The following LTBP1 variants were observed in gnomAD, a reference collection of about 807,000 sequenced individuals.
LTBP1 encodes the protein latent-transforming growth factor beta-binding protein 1.
LTBP1 carries 129 observed loss-of-function variants against 207.6 expected under a neutral mutation model. The observed-to-expected ratio is 0.62, with a 90% CI of 0.54 to 0.72. The LOEUF (loss-of-function observed/expected upper bound fraction) is 0.72, where lower values mean the gene tolerates loss of function less well. Ranked by LOEUF, LTBP1 falls within the 30% of genes least tolerant of loss-of-function variation. The pLI, the probability that LTBP1 is intolerant of heterozygous loss-of-function variation, is 0.00. For missense variants in LTBP1, 2,281 were observed against 2,217.2 expected (o/e 1.03, Z -0.58); for synonymous variants, 963 against 833.7 (o/e 1.16, Z -2.67).
chr2:32,985,718 G>A (rs1184274358), intron 2 of LTBP1, among the ~76,000 whole-genome samples: 9 of 152,130 alleles, frequency 5.9e-5, no homozygotes, highest in African/African-American at 2.2e-4. Context: ...CCATGTAGTA[G>A]GTACATGTCA....
chr2:32,994,769 A>T (rs959416986), intron 2 of LTBP1, among the ~76,000 whole-genome samples: 1 of 152,202 alleles, frequency 6.6e-6, no homozygotes, highest in Non-Finnish European at 1.5e-5. Flanking sequence ...GCCTGGCCAC[A>T]TTAGTGATTC....
intron 11 of LTBP1, among the ~76,000 whole-genome samples, chr2:33,256,077 T>A (rs1335024444): frequency 7.2e-6 from 1 of 138,714 alleles, no homozygotes; most frequent in East Asian, 2.1e-4. Flanking sequence ...CTGAGTCTAC[T>A]TTTTTTTTTT....
Position 33,301,454 on chromosome 2 carries a change from A to G in LTBP1, c.3359-68A>G, listed in dbSNP as rs951925316. ...TCTTTCTAGAATTTACACTGATCCA[A>G]TTGAGACTGATTGAAAATGTTTTTG... On this transcript the variant is annotated intron_variant, in intron 21 of 33. Transcript: ENST00000404816. 3.1e-5 allele frequency: 47 copies of G among 1,492,960 alleles called. No homozygotes were observed. In the Middle Eastern group the frequency reaches 5.4e-4, roughly 17 times the overall value. The allele number at this position is 1,492,960 out of a possible 1,614,324, so 92.5% of individuals were successfully genotyped here.
In LTBP1 at chr2:33,021,160, C is replaced by A. The variant is rs142311728; in HGVS notation, c.817C>A (p.Leu273Ile). The change falls in exon 3 of 34, where the codon CTC (leucine) becomes ATC (isoleucine). Residue 273 changes from leucine to isoleucine, a missense_variant. Physicochemically the swap from Leu to Ile is conservative, Grantham distance 5. Coordinates refer to ENST00000404816, the MANE Select transcript of LTBP1 (RefSeq NM_206943.4). ...VSPVAQMTLT[L>I]KPKPSVGLPQ... ...CCCTGTGGCCCAGATGACCTTAACCCTCAAGCCGAAGCCTTCAGTGGGACT... is the reference window on the plus strand; with the variant it reads ...CCCTGTGGCCCAGATGACCTTAACCATCAAGCCGAAGCCTTCAGTGGGACT... 1 of 1,611,486 alleles carries A rather than the reference C, an allele frequency of 6.2e-7. No homozygotes were observed. The highest frequency in any genetic ancestry group is 2.2e-5 in the East Asian group (1 of 44,834).
rs555701495 is a variant in LTBP1 at position 33,210,231 on chromosome 2, C to A, written c.1702-7321C>A. Among the ~76,000 whole-genome samples the A allele has an allele frequency of 2.6e-5, 4 of 152,176 alleles. No individual in the cohort carries two copies. The South Asian group carries it at 6.2e-4, about 24-fold the overall frequency. On this transcript the variant is annotated intron_variant, in intron 7 of 33. Transcript: ENST00000404816. The stretch of plus-strand genomic sequence containing the variant: ...GCATTTGTTGAGATAAGATATTATT[C>A]GTGCTGAACTTAACTCCTTTCTGCT...
intron 3 of LTBP1, among the ~76,000 whole-genome samples, chr2:33,030,626 C>G (rs1393999052): frequency 2.6e-5 from 4 of 152,148 alleles, no homozygotes; most frequent in Admixed American, 1.3e-4. Flanking sequence ...TTCACAGTCT[C>G]CTTGATTAAT....
At chr2:32,973,021 G>T (rs1046620234) in intron 2 of LTBP1, among the ~76,000 whole-genome samples, 4 of 152,036 alleles carry the variant, frequency 2.6e-5, no homozygotes, top group African/African-American at 7.2e-5. Context: ...TATTATTTTG[G>T]TTTTTTTGAA....
At chr2:33,381,424 T>C (rs2095213329) in intron 31 of LTBP1, among the ~76,000 whole-genome samples, 1 of 151,884 alleles carries the variant, frequency 6.6e-6, no homozygotes, top group Non-Finnish European at 1.5e-5. Flanking sequence ...AGGTTGGGAG[T>C]GGGGAGAACG....
chr2:33,295,797 ATAAT>A (rs2093863292), intron 20 of LTBP1, among the ~76,000 whole-genome samples: 1 of 152,184 alleles, frequency 6.6e-6, no homozygotes, highest in African/African-American at 2.4e-5. Context: ...ATGTAGGGTG[ATAAT>A]TAATTTCTCA....
chr2:33,044,958 G>A (rs558739503), intron 3 of LTBP1, among the ~76,000 whole-genome samples: 8 of 151,904 alleles, frequency 5.3e-5, no homozygotes, highest in African/African-American at 1.9e-4. Flanking sequence ...TGATGGGGTT[G>A]TTTGGTTTTT....
chr2:33,360,482 C>T (rs1352456401), intron 26 of LTBP1, 115 bp from the exon 27 acceptor site: 1 of 628,576 alleles, frequency 1.6e-6, no homozygotes, highest in Non-Finnish European at 2.7e-6. Context: ...AAAGCATTTT[C>T]TATAAAGCAA....
chr2:32,984,335 T>C (rs1683215421), intron 2 of LTBP1, among the ~76,000 whole-genome samples: 1 of 152,220 alleles, frequency 6.6e-6, no homozygotes, highest in Admixed American at 6.5e-5. Flanking sequence ...CATCTTTCCT[T>C]CTGATAGTTT....
intron 2 of LTBP1, among the ~76,000 whole-genome samples, chr2:33,004,226 TACTTA>T: frequency 6.6e-6 from 1 of 152,160 alleles, no homozygotes; most frequent in East Asian, 1.9e-4. Flanking sequence ...TTGTTGGAGC[TACTTA>T]ACTTGTGCAG....
chr2:32,978,557 T>C (rs1330454272), intron 2 of LTBP1, among the ~76,000 whole-genome samples: 2 of 152,218 alleles, frequency 1.3e-5, no homozygotes, highest in African/African-American at 4.8e-5. Context: ...TCCCACTTGG[T>C]CATGATGAAT....
chr2:33,192,494 C>T (rs1002728281), intron 7 of LTBP1, among the ~76,000 whole-genome samples: 1 of 151,044 alleles, frequency 6.6e-6, no homozygotes, highest in African/African-American at 2.4e-5. Context: ...CAGACATTGA[C>T]AACGTAGGGC....
chr2:33,252,744 T>A lies in LTBP1; in HGVS notation c.2067T>A (p.Cys689Ter). Residue 689 changes from cysteine to a stop codon, truncating the protein, a stop_gained, in exon 11 of 34, where the codon TGT (cysteine) becomes TGA (stop). Coordinates refer to ENST00000404816, the MANE Select transcript of LTBP1 (RefSeq NM_206943.4). LOFTEE classifies it high-confidence loss of function. Reference sequence around the variant, plus strand: ...GACTTGTCAGTTCTGGAAGACAGTGTATGCACCCTCTGTCTGTTCACCTCA... The same window carrying A: ...GACTTGTCAGTTCTGGAAGACAGTGAATGCACCCTCTGTCTGTTCACCTCA... ...CYRLVSSGRQ[C>*]MHPLSVHLTK... 6.2e-7 allele frequency: 1 copy of A among 1,613,962 alleles called. No individual in the cohort carries two copies. The highest frequency in any genetic ancestry group is 8.5e-7 in the Non-Finnish European group (1 of 1,179,842).
chr2:33,160,671 A>G (rs1056909241), intron 5 of LTBP1, among the ~76,000 whole-genome samples: 1 of 152,224 alleles, frequency 6.6e-6, no homozygotes, highest in African/African-American at 2.4e-5. Context: ...GACAAGTACT[A>G]TCAACTAGGT....
At chr2:32,999,063 A>G (rs914297210) in intron 2 of LTBP1, among the ~76,000 whole-genome samples, 1 of 152,146 alleles carries the variant, frequency 6.6e-6, no homozygotes, top group Non-Finnish European at 1.5e-5. Flanking sequence ...GGGTCCTGCA[A>G]AGTTTTAACA....
At chr2:33,324,365 A>C (rs575670786) in intron 24 of LTBP1, among the ~76,000 whole-genome samples, 2 of 152,050 alleles carry the variant, frequency 1.3e-5, no homozygotes, top group South Asian at 4.1e-4. Flanking sequence ...TTATAAATTA[A>C]ACTTTATCAT....
Sources: gnomAD v4.1 joint callset for allele counts (sites outside exome capture counted in the v4.1 genomes callset) on GRCh38, gnomAD v4.1.1 for gene constraint, MANE v1.5 for transcripts, NCBI Gene and HGNC (gene_info 2026-07-23, HGNC 2026-07-21) for gene names.